NEK11: variants seen among roughly 807,000 people sequenced by gnomAD.
NEK11 encodes the protein NIMA related kinase 11.
NEK11 carries 72 observed loss-of-function variants against 80.7 expected under a neutral mutation model. The ratio of observed to expected loss-of-function variants is 0.89; its 90% CI spans 0.74 to 1.08. The LOEUF (loss-of-function observed/expected upper bound fraction) is 1.08, where lower values mean the gene tolerates loss of function less well. Ranked by LOEUF, NEK11 falls within the 50% of genes least tolerant of loss-of-function variation. NEK11 has a pLI of 0.00. For missense variants in NEK11, 764 were observed against 763.6 expected (o/e 1.00, Z -0.01); for synonymous variants, 251 against 260.7 (o/e 0.96, Z 0.36).
chr3:131,264,201 G>T (rs2095998127), intron 16 of NEK11, among the ~76,000 whole-genome samples: 1 of 152,184 alleles, frequency 6.6e-6, no homozygotes, highest in African/African-American at 2.4e-5. Flanking sequence ...TTGCTGTGCA[G>T]AAGCTCTTTA....
At chr3:131,145,902 A>G (rs1422849115) in intron 7 of NEK11, among the ~76,000 whole-genome samples, 1 of 152,144 alleles carries the variant, frequency 6.6e-6, no homozygotes, top group Non-Finnish European at 1.5e-5. Context: ...GGAACATAGA[A>G]GAGGGCCTGG....
In NEK11 at chr3:131,228,535, A is replaced by G. The variant is rs762190840; in HGVS notation, c.1407A>G (p.Pro469=). The change falls in exon 15 of 18, where the codon CCA becomes CCG. Residue 469 remains proline (P), a synonymous_variant. Transcript: ENST00000383366. The part of the protein sequence containing the change: ...ATSDLGYHEI[P]EDPLVAEEYY... ...GTTTGTTCATTATTTCAGAGATCCC[A>G]GAAGACCCACTTGTGGCTGAAGAGT... The G allele has an allele frequency of 1.2e-6, 2 of 1,607,232 alleles. No individual in the cohort carries two copies. Among genetic ancestry groups the G allele is most frequent in the Non-Finnish European group, 1.7e-6 (2 of 1,176,686 alleles).
intron 5 of NEK11, among the ~76,000 whole-genome samples, chr3:131,123,965 A>C (rs1383891772): frequency 1.3e-5 from 2 of 152,190 alleles, no homozygotes; most frequent in Non-Finnish European, 2.9e-5. Flanking sequence ...TGGGTGGCTG[A>C]GCAGTATTCT....
intron 14 of NEK11, among the ~76,000 whole-genome samples, chr3:131,195,457 G>A (rs1270357294): frequency 6.6e-6 from 1 of 152,036 alleles, no homozygotes; most frequent in Non-Finnish European, 1.5e-5. Flanking sequence ...TGTCTTGGAA[G>A]CCACATCATA....
At chr3:131,271,438 A>G (rs1008500207) in intron 16 of NEK11, among the ~76,000 whole-genome samples, 1 of 152,212 alleles carries the variant, frequency 6.6e-6, no homozygotes, top group Non-Finnish European at 1.5e-5. Flanking sequence ...TACATGCCCC[A>G]ACAGGTAGTG....
At chr3:131,258,330 A>C (rs1205194666) in intron 16 of NEK11, among the ~76,000 whole-genome samples, 1 of 152,054 alleles carries the variant, frequency 6.6e-6, no homozygotes, top group Non-Finnish European at 1.5e-5. Context: ...TAAAACAAAA[A>C]TTTTAAAAAC....
In NEK11 at chr3:131,093,170, A is replaced by G. The variant is rs186590173; in HGVS notation, c.336+12582A>G. Among the ~76,000 whole-genome samples, 4 of 152,304 alleles carry G rather than the reference A, an allele frequency of 2.6e-5. No homozygotes were observed. In the East Asian group the frequency reaches 7.7e-4, roughly 29 times the overall value. ...GATACTTTGTGTGTTAGAAATCACCAGTTGGGAAGCACTGGTAATATTTAT... is the reference window on the plus strand; with the variant it reads ...GATACTTTGTGTGTTAGAAATCACCGGTTGGGAAGCACTGGTAATATTTAT... On this transcript the variant is annotated intron_variant, in intron 4 of 17. Coordinates refer to ENST00000383366, the MANE Select transcript of NEK11 (RefSeq NM_024800.5).
At chr3:131,270,359 A>G (rs897353135) in intron 16 of NEK11, among the ~76,000 whole-genome samples, 1 of 152,218 alleles carries the variant, frequency 6.6e-6, no homozygotes, top group East Asian at 1.9e-4. Flanking sequence ...ACCTGGGAAC[A>G]TATGGAAACG....
intron 3 of NEK11, among the ~76,000 whole-genome samples, chr3:131,057,430 A>C (rs1323317913): frequency 6.6e-6 from 1 of 151,762 alleles, no homozygotes; most frequent in South Asian, 2.1e-4. Flanking sequence ...GTCAAATGGT[A>C]TTTCTAGTTC....
intron 5 of NEK11, among the ~76,000 whole-genome samples, chr3:131,117,469 G>C (rs1578532191): frequency 1.3e-5 from 2 of 152,112 alleles, no homozygotes; most frequent in East Asian, 3.8e-4. Flanking sequence ...GCTCTTTTTT[G>C]GTTCCATATG....
intron 11 of NEK11, among the ~76,000 whole-genome samples, chr3:131,164,714 A>G (rs548965192): frequency 7.1e-4 from 108 of 152,292 alleles, no homozygotes; most frequent in African/African-American, 2.4e-3. Flanking sequence ...TGATTTTGTG[A>G]ATAAGTTGTA....
At chr3:131,150,322 A>G (rs1176570006) in intron 7 of NEK11, among the ~76,000 whole-genome samples, 1 of 151,946 alleles carries the variant, frequency 6.6e-6, no homozygotes, top group African/African-American at 2.4e-5. Context: ...ATTTACATCA[A>G]CTTGCCAATT....
intron 14 of NEK11, among the ~76,000 whole-genome samples, chr3:131,183,748 A>G (rs567935313): frequency 3.3e-5 from 5 of 152,280 alleles, no homozygotes; most frequent in African/African-American, 1.2e-4. Flanking sequence ...ATAAACATAC[A>G]TGTGCATGTA....
rs368668318 is a variant in NEK11, at chr3:131,161,934, A to C, written c.963-474A>C. Among the ~76,000 whole-genome samples the C allele has an allele frequency of 2.6e-4, 39 of 152,330 alleles. No individual in the cohort carries two copies. In the East Asian group the frequency reaches 6.9e-3, roughly 27 times the overall value. ...CACTGTGCATATGTTATCTCATATG[A>C]TACTTACTGTAGCCCATTCTTTACA... On this transcript the variant is annotated intron_variant, in intron 10 of 17. Transcript: ENST00000383366.
intron 17 of NEK11, among the ~76,000 whole-genome samples, chr3:131,296,401 G>A (rs922856074): frequency 3.3e-5 from 5 of 152,040 alleles, no homozygotes; most frequent in African/African-American, 1.2e-4. Flanking sequence ...TACCTTCATC[G>A]ATTCTTTCTT....
At chr3:131,242,901 A>G (rs2095540494) in intron 15 of NEK11, among the ~76,000 whole-genome samples, 2 of 152,142 alleles carry the variant, frequency 1.3e-5, no homozygotes, top group African/African-American at 4.8e-5. Flanking sequence ...TTATGGGGGA[A>G]GTCTGACTCT....
At chr3:131,164,237 ATTTG>A (rs1332739613) in intron 11 of NEK11, among the ~76,000 whole-genome samples, 9 of 152,180 alleles carry the variant, frequency 5.9e-5, no homozygotes, top group African/African-American at 2.2e-4. Flanking sequence ...GGGACTGCTT[ATTTG>A]TTTGCTGATT....
At chr3:131,146,133 T>A (rs977140507) in intron 7 of NEK11, among the ~76,000 whole-genome samples, 1 of 152,058 alleles carries the variant, frequency 6.6e-6, no homozygotes, top group African/African-American at 2.4e-5. Context: ...TTGTTCTGTT[T>A]CTAATCTTGT....
intron 16 of NEK11, among the ~76,000 whole-genome samples, chr3:131,266,812 G>A (rs1049142926): frequency 1.3e-5 from 2 of 151,980 alleles, no homozygotes; most frequent in African/African-American, 2.4e-5. Flanking sequence ...CACTATTATT[G>A]TGTGTGAGTC....
Sources: allele counts gnomAD v4.1 joint callset (sites outside exome capture counted in the v4.1 genomes callset), GRCh38; gene constraint gnomAD v4.1.1; transcripts MANE v1.5; gene names NCBI Gene and HGNC (gene_info 2026-07-23, HGNC 2026-07-21).